Variants in RAB3GAP2 observed in about 807,000 individuals in gnomAD.
The protein encoded by RAB3GAP2 is RAB3 GTPase activating non-catalytic protein subunit 2, also known as rab3 GTPase-activating protein non-catalytic subunit.
In RAB3GAP2, 87 loss-of-function variants were observed where a neutral mutation model predicts 185.3. That is an observed-to-expected ratio of 0.47 (90% CI 0.39 to 0.56). RAB3GAP2 has a LOEUF of 0.56. Among genes scored for constraint, RAB3GAP2 ranks in the 20% least tolerant of loss-of-function variants. The probability of loss-of-function intolerance (pLI) is 0.00; values close to 1 mark genes in which losing one functional copy is unlikely to be tolerated. For missense variants in RAB3GAP2, 1,492 were observed against 1,638.2 expected (o/e 0.91, Z 1.54); for synonymous variants, 554 against 576.1 (o/e 0.96, Z 0.55).
At chr1:220,236,246 G>C (rs752437793) in intron 1 of RAB3GAP2, among the ~76,000 whole-genome samples, 2 of 151,988 alleles carry the variant, frequency 1.3e-5, no homozygotes, top group Non-Finnish European at 2.9e-5. Flanking sequence ...GTGCCATCTC[G>C]GTTCACTGCA....
intron 9 of RAB3GAP2, among the ~76,000 whole-genome samples, chr1:220,196,984 C>T (rs913879946): frequency 5.3e-5 from 8 of 151,582 alleles, no homozygotes; most frequent in Non-Finnish European, 7.4e-5. Flanking sequence ...TACCAATTCA[C>T]TTCTTTTTTT....
At chr1:220,165,691 A>G (rs569648844) in intron 26 of RAB3GAP2, among the ~76,000 whole-genome samples, 2 of 152,380 alleles carry the variant, frequency 1.3e-5, no homozygotes, top group East Asian at 1.9e-4. Context: ...AATGTAAGCA[A>G]CATTAATGAT....
intron 12 of RAB3GAP2, 118 bp downstream of exon 12, chr1:220,194,958 GTA>G: frequency 1.0e-6 from 1 of 1,002,496 alleles, no homozygotes. Context: ...AAATTCCACT[GTA>G]ATGGCTTTCA....
chr1:220,237,282 T>C (rs1205451111), intron 1 of RAB3GAP2, among the ~76,000 whole-genome samples: 2 of 152,198 alleles, frequency 1.3e-5, no homozygotes, highest in East Asian at 1.9e-4. Context: ...CTACAAATTA[T>C]ACGGCAATTT....
chr1:220,164,581 C>A, intron 27 of RAB3GAP2, 152 bp downstream of exon 27: 1 of 1,094,880 alleles, frequency 9.1e-7, no homozygotes, highest in Non-Finnish European at 1.3e-6. Flanking sequence ...CTCAAGAGAC[C>A]CTTGCACCTC....
chr1:220,153,209 A>G lies in RAB3GAP2; in HGVS notation c.3843T>C (p.Tyr1281=). 1 of 1,613,684 alleles carries G rather than the reference A, an allele frequency of 6.2e-7. No homozygotes were observed. Among genetic ancestry groups the G allele is most frequent in the Non-Finnish European group, 8.5e-7 (1 of 1,179,560 alleles). ...CCTCTTCTCCTAAGTGGTCAACTCC[A>G]TAGTTGTATAGTTCCCCCACATAAT... ...RRHYVGELYN[Y]GVDHLGEEAI... Residue 1281 remains tyrosine (Y), a synonymous_variant, in exon 33 of 35, where the codon TAT becomes TAC. Transcript: ENST00000358951.
chr1:220,253,516 G>A (rs1034181844), intron 1 of RAB3GAP2: 3 of 1,541,498 alleles, frequency 1.9e-6, no homozygotes, highest in South Asian at 2.4e-5. Flanking sequence ...GTAGAGAGTA[G>A]GGGGCGGTAG....
In RAB3GAP2 at chr1:220,202,361, GCC is replaced by G; in HGVS notation, c.724_725del (p.Gly242GlnfsTer2). 6.2e-7 allele frequency: 1 copy of G among 1,613,496 alleles called. No homozygotes were observed. Among genetic ancestry groups the G allele is most frequent in the South Asian group, 1.1e-5 (1 of 91,060 alleles). ...ATGGTGGTGGTTGTATGTTCTCATT[GCC>G]TGATGCTGCAGCTACCAAAGATAAA... ...RNQVAKAAASGNENIQPPPLA... is the reference protein window; with the variant it reads ...RNQVAKAAASXNENIQPPPLA... On this transcript the variant is annotated frameshift_variant, in exon 9 of 35. Coordinates refer to ENST00000358951, the MANE Select transcript of RAB3GAP2 (RefSeq NM_012414.4). LOFTEE classifies it high-confidence loss of function.
chr1:220,243,353 C>CA (rs34046394), intron 1 of RAB3GAP2, among the ~76,000 whole-genome samples: 1,550 of 107,510 alleles, frequency 0.014, 25 homozygotes, highest in East Asian at 0.074. Flanking sequence ...GACTCCATCT[C>CA]AAAAAAAAAA....
chr1:220,183,816 T>C (rs1326443414), intron 19 of RAB3GAP2, among the ~76,000 whole-genome samples: 1 of 152,308 alleles, frequency 6.6e-6, no homozygotes, highest in East Asian at 1.9e-4. Flanking sequence ...AAACATATCA[T>C]GGCTGGGCAT....
At chr1:220,156,379 T>C (rs1024541510) in intron 31 of RAB3GAP2, among the ~76,000 whole-genome samples, 2 of 152,224 alleles carry the variant, frequency 1.3e-5, no homozygotes, top group Admixed American at 1.3e-4. Flanking sequence ...CAACAGTTTG[T>C]CCTGTCTCTC....
chr1:220,251,862 C>T (rs1203200979), intron 1 of RAB3GAP2, among the ~76,000 whole-genome samples: 2 of 152,106 alleles, frequency 1.3e-5, no homozygotes, highest in Admixed American at 1.3e-4. Context: ...CCATTAAGAA[C>T]ATGCTATAGA....
At chr1:220,267,029 G>C in intron 1 of RAB3GAP2, 6 of 1,611,476 alleles carry the variant, frequency 3.7e-6, no homozygotes, top group Non-Finnish European at 3.4e-6. Flanking sequence ...ATTTCGGGGG[G>C]CAGGTAGTCC....
chr1:220,171,869 C>T lies in RAB3GAP2; in HGVS notation c.2577+20G>A. ...CCTACTGGATGTGTACAGATCAAAG[C>T]CATACCTTTACCCACTTACTTTTTT... On this transcript the variant is annotated intron_variant, in intron 23 of 34. Coordinates refer to ENST00000358951, the MANE Select transcript of RAB3GAP2 (RefSeq NM_012414.4). 1 of 1,614,036 alleles carries T rather than the reference C, an allele frequency of 6.2e-7. No individual in the cohort carries two copies. Among genetic ancestry groups the T allele is most frequent in the Non-Finnish European group, 8.5e-7 (1 of 1,179,976 alleles).
At position 220,157,469 on chromosome 1, in the gene RAB3GAP2, T is replaced by C. The variant is rs1657878724; in HGVS notation, c.3356A>G (p.Glu1119Gly). The change falls in exon 31 of 35, where the codon GAA becomes GGA. Residue 1119 changes from glutamate to glycine, a missense_variant. Glu to Gly is a moderately conservative substitution (Grantham distance 98). Transcript: ENST00000358951. ...ILMEADVSRD[E>G]IQVPVLDTED... ...AGTATCCAGCACAGGCACCTGTATTTCATCCCTGCTAACATCTGCCTAAGG... is the reference window on the plus strand; with the variant it reads ...AGTATCCAGCACAGGCACCTGTATTCCATCCCTGCTAACATCTGCCTAAGG... 1 of 1,613,402 alleles carries C rather than the reference T, an allele frequency of 6.2e-7. No individual in the cohort carries two copies. The highest frequency in any genetic ancestry group is 8.5e-7 in the Non-Finnish European group (1 of 1,180,022).
At chr1:220,216,267 T>C (rs1371207796) in intron 2 of RAB3GAP2, among the ~76,000 whole-genome samples, 1 of 152,244 alleles carries the variant, frequency 6.6e-6, no homozygotes, top group Non-Finnish European at 1.5e-5. Context: ...TCTCATTTTA[T>C]TAAAGCTCTA....
intron 31 of RAB3GAP2, 80 bp downstream of exon 31, chr1:220,157,190 G>T: frequency 3.3e-6 from 4 of 1,225,276 alleles, no homozygotes; most frequent in Non-Finnish European, 4.7e-6. Flanking sequence ...GTACTGGACA[G>T]CTTCTATTAA....
At chr1:220,247,126 G>A (rs890371732) in intron 1 of RAB3GAP2, among the ~76,000 whole-genome samples, 1 of 152,136 alleles carries the variant, frequency 6.6e-6, no homozygotes, top group Non-Finnish European at 1.5e-5. Flanking sequence ...GCATGGATGT[G>A]TTGAAAAAGG....
Position 220,184,063 on chromosome 1 carries a change from A to T in RAB3GAP2, c.1971T>A (p.Phe657Leu). The part of the protein sequence containing the change: ...ESVSQLNSLD[F>L]HLDTPFSDND... ...TATCAGAGAATGGTGTGTCTAAATG[A>T]AAATCAAGGGAATTTAATTGACTGA... is the stretch of plus-strand genomic sequence containing the variant. Residue 657 changes from phenylalanine to leucine, a missense_variant, in exon 19 of 35, where the codon TTT becomes TTA. By Grantham distance (22) the Phe-to-Leu change is conservative. Around this residue, in one of 5 missense-constraint regions of RAB3GAP2, gnomAD observed 681 missense variants for 689.1 expected, o/e 0.99. Transcript: ENST00000358951. 6.3e-7 allele frequency: 1 copy of T among 1,591,212 alleles called. No homozygotes were observed. Among genetic ancestry groups the T allele is most frequent in the Non-Finnish European group, 8.6e-7 (1 of 1,160,178 alleles).
Sources: gnomAD v4.1 joint callset for allele counts (sites outside exome capture counted in the v4.1 genomes callset) on GRCh38, gnomAD v4.1.1 for gene constraint, gnomAD v4.1.1 regional missense constraint, MANE v1.5 for transcripts, NCBI Gene and HGNC (gene_info 2026-07-23, HGNC 2026-07-21) for gene names.